PTPRD: variants seen among roughly 807,000 people sequenced by gnomAD.
The protein encoded by PTPRD is protein tyrosine phosphatase receptor type D, also known as receptor-type tyrosine-protein phosphatase delta.
A neutral mutation model predicts 214.5 loss-of-function variants in PTPRD; 34 were observed. That is an observed-to-expected ratio of 0.16 (90% CI 0.12 to 0.21). PTPRD has a LOEUF of 0.21. Among genes scored for constraint, PTPRD ranks in the 10% least tolerant of loss-of-function variants. The pLI, the probability that PTPRD is intolerant of heterozygous loss-of-function variation, is 1.00. For missense variants in PTPRD, 2,545 were observed against 2,398.7 expected, an observed-to-expected ratio of 1.06 and a Z score of -1.27; for synonymous variants, 1,128 against 845.7, an observed-to-expected ratio of 1.33 and a Z score of -5.79.
intron 3 of PTPRD, among the ~76,000 whole-genome samples, chr9:10,044,232 G>C (rs1320108873): frequency 6.6e-6 from 1 of 151,420 alleles, no homozygotes; most frequent in Admixed American, 6.6e-5. Context: ...TAAGGTCTAT[G>C]AGTTTTTCTC....
intron 7 of PTPRD, among the ~76,000 whole-genome samples, chr9:9,597,558 A>T (rs2093444336): frequency 6.6e-6 from 1 of 152,068 alleles, no homozygotes; most frequent in Non-Finnish European, 1.5e-5. Context: ...GAGGAAAAGT[A>T]CCGTAGAACT....
At chr9:9,352,416 T>G (rs1307450771) in intron 9 of PTPRD, among the ~76,000 whole-genome samples, 1 of 151,258 alleles carries the variant, frequency 6.6e-6, no homozygotes, top group East Asian at 1.9e-4. Context: ...TCTGTTATGT[T>G]TTCCCAATAA....
chr9:9,670,483 C>A (rs944600100), intron 7 of PTPRD, among the ~76,000 whole-genome samples: 1 of 152,120 alleles, frequency 6.6e-6, no homozygotes, highest in Non-Finnish European at 1.5e-5. Flanking sequence ...AACAAGGAAC[C>A]AAATGTTAAT....
At chr9:10,392,142 G>T (rs1021212175) in intron 2 of PTPRD, among the ~76,000 whole-genome samples, 3 of 151,730 alleles carry the variant, frequency 2.0e-5, no homozygotes, top group African/African-American at 7.3e-5. Context: ...ATTCAATGAG[G>T]CCCAGAACTA....
At chr9:10,260,898 CTCTT>C (rs950072219) in intron 3 of PTPRD, among the ~76,000 whole-genome samples, 3 of 151,366 alleles carry the variant, frequency 2.0e-5, no homozygotes, top group African/African-American at 4.9e-5. Context: ...TTTCTTGCTG[CTCTT>C]TCTAATTCTT....
chr9:9,779,916 CA>C (rs1455632415), intron 5 of PTPRD, among the ~76,000 whole-genome samples: 6 of 152,166 alleles, frequency 3.9e-5, no homozygotes, highest in African/African-American at 9.6e-5. Flanking sequence ...GTATATACCC[CA>C]AAGAAAATAG....
intron 14 of PTPRD, among the ~76,000 whole-genome samples, chr9:8,613,343 T>A (rs1283792375): frequency 6.6e-6 from 1 of 152,194 alleles, no homozygotes; most frequent in Non-Finnish European, 1.5e-5. Context: ...GTACTATCCC[T>A]GACATTAATG....
intron 3 of PTPRD, among the ~76,000 whole-genome samples, chr9:10,167,365 A>G (rs549915342): frequency 1.1e-4 from 16 of 152,168 alleles, no homozygotes; most frequent in Middle Eastern, 3.2e-3. Flanking sequence ...ACAAAGGAAC[A>G]GAATGAAATG....
At chr9:9,656,463 G>A (rs1321330133) in intron 7 of PTPRD, among the ~76,000 whole-genome samples, 1 of 152,080 alleles carries the variant, frequency 6.6e-6, no homozygotes, top group Non-Finnish European at 1.5e-5. Context: ...TGAAAGAAAT[G>A]TAGGAAAATT....
chr9:10,197,727 A>G (rs1478819957), intron 3 of PTPRD, among the ~76,000 whole-genome samples: 2 of 152,248 alleles, frequency 1.3e-5, no homozygotes, highest in East Asian at 3.9e-4. Context: ...TGATAGGGGA[A>G]GGCTGAGATA....
intron 9 of PTPRD, among the ~76,000 whole-genome samples, chr9:9,369,191 T>A (rs1411964113): frequency 1.3e-5 from 2 of 152,130 alleles, no homozygotes; most frequent in African/African-American, 4.8e-5. Context: ...TTCCAAGTCT[T>A]CCACAATGGT....
intron 3 of PTPRD, among the ~76,000 whole-genome samples, chr9:10,199,590 C>T (rs2099411423): frequency 1.3e-5 from 2 of 152,030 alleles, no homozygotes; most frequent in Admixed American, 6.6e-5. Flanking sequence ...ATATATTTCT[C>T]TTAATCACCT....
In PTPRD at chr9:8,376,700, G is replaced by C. The variant is rs1376695159; in HGVS notation, c.4413C>G (p.Ser1471Arg). ...CGAGTCCGTGGGTTTCTGTGCCTCT[G>C]CTAGGCCAATACTGGTCACACTTCA... ...SRVKCDQYWPSRGTETHGLVQ... is the reference protein window; with the variant it reads ...SRVKCDQYWPRRGTETHGLVQ... Residue 1471 changes from serine to arginine, a missense_variant, in exon 38 of 46, where the codon AGC (serine) becomes AGG (arginine). Coordinates refer to ENST00000381196, the MANE Select transcript of PTPRD (RefSeq NM_002839.4). The C allele has an allele frequency of 6.2e-7, 1 of 1,613,020 alleles. No individual in the cohort carries two copies. Among genetic ancestry groups the C allele is most frequent in the East Asian group, 2.2e-5 (1 of 44,844 alleles).
intron 10 of PTPRD, among the ~76,000 whole-genome samples, chr9:9,114,365 C>G (rs570355520): frequency 5.3e-5 from 8 of 152,096 alleles, no homozygotes; most frequent in Non-Finnish European, 1.0e-4. Flanking sequence ...TTTTAGAGGC[C>G]TTAGCCTAGG....
At chr9:9,585,486 C>G (rs750803457) in intron 7 of PTPRD, among the ~76,000 whole-genome samples, 1 of 152,052 alleles carries the variant, frequency 6.6e-6, no homozygotes, top group African/African-American at 2.4e-5. Context: ...ATATTTCTAA[C>G]TATATATTGC....
intron 6 of PTPRD, among the ~76,000 whole-genome samples, chr9:9,753,788 C>A (rs921165318): frequency 2.6e-5 from 4 of 151,984 alleles, no homozygotes; most frequent in African/African-American, 9.7e-5. Context: ...CCATTTATAT[C>A]TTGGATGGAA....
At position 9,081,823 on chromosome 9, in the gene PTPRD, C is replaced by CT. The variant is rs201454000; in HGVS notation, c.-142-63089dup. The stretch of plus-strand genomic sequence containing the variant: ...TCAGAGACTAGGATTGCAACTCCTG[C>CT]TTTTTTTTTTTTTTGCTTTCCATTT... On this transcript the variant is annotated intron_variant, in intron 10 of 45. Transcript: ENST00000381196. Among the ~76,000 whole-genome samples, 643 of 137,618 alleles carry CT rather than the reference C, an allele frequency of 4.7e-3. 1 individual carries two copies. Among genetic ancestry groups the CT allele is most frequent in the African/African-American group, 8.6e-3 (328 of 37,980 alleles). 90.3% of individuals were successfully genotyped at this position (137,618 alleles called of 152,430 possible). A position where few individuals can be genotyped will look rare whatever the true frequency, so the allele number is the denominator to read the frequency against.
chr9:9,399,114 T>C (rs2069118211), intron 8 of PTPRD, among the ~76,000 whole-genome samples: 1 of 152,036 alleles, frequency 6.6e-6, no homozygotes, highest in Non-Finnish European at 1.5e-5. Flanking sequence ...AATCCACTAT[T>C]CTGCTATTTC....
chr9:9,071,184 G>C (rs2099743154), intron 10 of PTPRD, among the ~76,000 whole-genome samples: 1 of 152,140 alleles, frequency 6.6e-6, no homozygotes, highest in Non-Finnish European at 1.5e-5. Flanking sequence ...GTAAAACTTG[G>C]AGTGGCTTGC....
Sources: allele counts gnomAD v4.1 joint callset (sites outside exome capture counted in the v4.1 genomes callset), GRCh38; gene constraint gnomAD v4.1.1; transcripts MANE v1.5; gene names NCBI Gene and HGNC (gene_info 2026-07-23, HGNC 2026-07-21).